The following ZNF423 variants were observed in gnomAD, a reference collection of about 807,000 sequenced individuals.
ZNF423 encodes the protein zinc finger protein 423, also known as Ebf-associated zinc finger protein.
Under a neutral mutation model 95.8 loss-of-function variants are expected in ZNF423, and 12 were observed. That is an observed-to-expected ratio of 0.13 (90% confidence interval 0.08 to 0.20). The LOEUF is 0.20. Ranked by LOEUF, ZNF423 falls within the 10% of genes least tolerant of loss-of-function variation. The pLI is 1.00. For synonymous variants in ZNF423, 749 were observed against 711.9 expected (o/e 1.05, Z -0.83); for missense variants, 1,316 against 1,737.1 (o/e 0.76, Z 4.31).
Position 49,855,532 on chromosome 16 carries a change from G to T in ZNF423, c.40+203C>A, listed in dbSNP as rs181134480. Among the ~76,000 whole-genome samples, 1 of 134,002 alleles carries T rather than the reference G, an allele frequency of 7.5e-6. No individual in the cohort carries two copies. The highest frequency in any genetic ancestry group is 1.7e-5 in the Non-Finnish European group (1 of 58,490). 87.9% of individuals were successfully genotyped at this position (134,002 alleles called of 152,430 possible). A position where few individuals can be genotyped will look rare whatever the true frequency, so the allele number is the denominator to read the frequency against. Reference sequence around the variant, plus strand: ...CCCCTCCGCCGCCGCCGCCGCCGCCGCCGCCTCCGCCTCCTGCTCCCGGCT... The same window carrying T: ...CCCCTCCGCCGCCGCCGCCGCCGCCTCCGCCTCCGCCTCCTGCTCCCGGCT... On this transcript the variant is annotated intron_variant, in intron 1 of 7. Coordinates refer to ENST00000563137, the MANE Select transcript of ZNF423 (RefSeq NM_001379286.1). The surrounding 1 kb of genome is among the most constrained non-coding windows in gnomAD (Gnocchi z 4.7).
intron 3 of ZNF423, among the ~76,000 whole-genome samples, chr16:49,720,748 T>C (rs2032841714): frequency 6.6e-6 from 1 of 152,360 alleles, no homozygotes; most frequent in East Asian, 1.9e-4. Flanking sequence ...TTCCTGTTTG[T>C]CTGCATGTAA....
chr16:49,575,986 C>G (rs562911143), intron 5 of ZNF423, among the ~76,000 whole-genome samples: 2 of 152,144 alleles, frequency 1.3e-5, no homozygotes, highest in Non-Finnish European at 2.9e-5. Flanking sequence ...TCTCCCCTGG[C>G]TCTCTCCTGA....
chr16:49,664,644 G>A (rs1255475125), intron 3 of ZNF423, among the ~76,000 whole-genome samples: 2 of 149,056 alleles, frequency 1.3e-5, no homozygotes. Flanking sequence ...AGGGTGGGGG[G>A]ACGGCCCCTG....
intron 2 of ZNF423, among the ~76,000 whole-genome samples, chr16:49,778,824 G>T (rs2034164018): frequency 2.0e-5 from 3 of 152,318 alleles, no homozygotes; most frequent in Admixed American, 2.0e-4. Context: ...TCCACATGGT[G>T]TCAATAGCAA....
chr16:49,820,984 T>C (rs2034931021), intron 1 of ZNF423, among the ~76,000 whole-genome samples: 1 of 152,222 alleles, frequency 6.6e-6, no homozygotes, highest in Non-Finnish European at 1.5e-5. Flanking sequence ...CCACAGTCTC[T>C]AACTGCTCCA....
intron 2 of ZNF423, among the ~76,000 whole-genome samples, chr16:49,763,086 T>C (rs929768340): frequency 1.1e-4 from 17 of 152,204 alleles, no homozygotes; most frequent in Admixed American, 9.2e-4. Context: ...CAGGCTAGTC[T>C]CAAACTCCTG....
At chr16:49,600,628 C>T (rs1486024098) in intron 5 of ZNF423, among the ~76,000 whole-genome samples, 6 of 152,084 alleles carry the variant, frequency 3.9e-5, no homozygotes, top group African/African-American at 1.2e-4. Flanking sequence ...GGGAACCATG[C>T]GCCATGGCCT....
At chr16:49,841,297 A>G (rs2035180439) in intron 1 of ZNF423, among the ~76,000 whole-genome samples, 1 of 152,132 alleles carries the variant, frequency 6.6e-6, no homozygotes, top group Non-Finnish European at 1.5e-5. Context: ...CCCAGGCACA[A>G]TTCTGCCACA....
intron 2 of ZNF423, among the ~76,000 whole-genome samples, chr16:49,744,840 G>A (rs1036017161): frequency 3.9e-5 from 6 of 152,284 alleles, no homozygotes; most frequent in South Asian, 4.1e-4. Context: ...ACCACCCCCA[G>A]GCTCCTCCTC....
intron 1 of ZNF423, among the ~76,000 whole-genome samples, chr16:49,815,872 A>AAC (rs71138008): frequency 4.2e-4 from 15 of 35,638 alleles, no homozygotes; most frequent in Middle Eastern, 0.022. Flanking sequence ...CAAACAAACA[A>AAC]AAAAAAAAAA....
intron 3 of ZNF423, among the ~76,000 whole-genome samples, chr16:49,665,447 C>A (rs534874381): frequency 7.6e-4 from 116 of 152,224 alleles, no homozygotes; most frequent in Admixed American, 2.3e-3. Context: ...AACAGGGGCG[C>A]AGTAAGGGTG....
intron 7 of ZNF423, among the ~76,000 whole-genome samples, chr16:49,493,501 G>C (rs1043968310): frequency 5.3e-5 from 8 of 152,128 alleles, no homozygotes; most frequent in Non-Finnish European, 7.4e-5. Context: ...GGAGCAACTT[G>C]GAGGTCTGCA....
intron 3 of ZNF423, chr16:49,664,141 A>C (rs890345123): frequency 9.1e-6 from 9 of 985,536 alleles, no homozygotes; most frequent in Non-Finnish European, 1.1e-5. Context: ...CGATGCCAAG[A>C]GGGCCAGAAC....
At chr16:49,566,770 G>A (rs1041005352) in intron 5 of ZNF423, among the ~76,000 whole-genome samples, 28 of 152,174 alleles carry the variant, frequency 1.8e-4, no homozygotes, top group Admixed American at 7.2e-4. Context: ...GGCGGGCAGC[G>A]CGGGGAGGTG....
intron 1 of ZNF423, among the ~76,000 whole-genome samples, chr16:49,836,027 T>C (rs1450412423): frequency 6.6e-6 from 1 of 152,112 alleles, no homozygotes; most frequent in Admixed American, 6.5e-5. Flanking sequence ...CAAGGCCACC[T>C]ACCCCGACAA....
At chr16:49,710,220 G>A (rs570403122) in intron 3 of ZNF423, among the ~76,000 whole-genome samples, 17 of 152,246 alleles carry the variant, frequency 1.1e-4, no homozygotes, top group African/African-American at 3.6e-4. Context: ...TGACCTGCTC[G>A]TCATGTCTAG....
At chr16:49,825,738 T>C (rs1465808416) in intron 1 of ZNF423, among the ~76,000 whole-genome samples, 1 of 152,202 alleles carries the variant, frequency 6.6e-6, no homozygotes, top group African/African-American at 2.4e-5. Flanking sequence ...ACTCTCTTGC[T>C]GGAAAAATCA....
At position 49,800,125 on chromosome 16, in the gene ZNF423, T is replaced by A. The variant is rs137956608; in HGVS notation, c.41-10579A>T. ...TGGGCATATGGATGCACACTTGTAA[T>A]CCCAGCTACTTGAAAGGCTGAGATA... On this transcript the variant is annotated intron_variant, in intron 1 of 7. Transcript: ENST00000563137. Among the ~76,000 whole-genome samples, 41 of 152,090 alleles carry A rather than the reference T, an allele frequency of 2.7e-4. No homozygotes were observed. The East Asian group carries it at 3.5e-3, about 13-fold the overall frequency.
intron 2 of ZNF423, among the ~76,000 whole-genome samples, chr16:49,778,208 CGT>C (rs1172000372): frequency 6.6e-6 from 1 of 151,702 alleles, no homozygotes; most frequent in African/African-American, 2.4e-5. Context: ...TGTGTGTGTG[CGT>C]GTGTGTGCAC....
Sources: allele counts gnomAD v4.1 joint callset (sites outside exome capture counted in the v4.1 genomes callset), GRCh38; gene constraint gnomAD v4.1.1; non-coding constraint Gnocchi (gnomAD v3.1); transcripts MANE v1.5; gene names NCBI Gene and HGNC (gene_info 2026-07-23, HGNC 2026-07-21).